AKAP13: variants seen among roughly 807,000 people sequenced by gnomAD.
AKAP13 encodes A-kinase anchor protein 13.
Under a neutral mutation model 264.5 loss-of-function variants are expected in AKAP13, and 80 were observed. That is an observed-to-expected ratio of 0.30 (90% CI 0.25 to 0.36). The LOEUF (loss-of-function observed/expected upper bound fraction) is 0.36. Among genes scored for constraint, AKAP13 ranks in the 10% least tolerant of loss-of-function variants. The pLI is 1.00. For synonymous variants in AKAP13, 1,380 were observed against 1,250.2 expected (o/e 1.10, Z -2.19); for missense variants, 3,712 against 3,435.2 (o/e 1.08, Z -2.01).
intron 8 of AKAP13, among the ~76,000 whole-genome samples, chr15:85,612,651 G>A (rs751505245): frequency 1.6e-4 from 25 of 151,912 alleles, no homozygotes; most frequent in Admixed American, 3.3e-4. Context: ...GTGAAACACC[G>A]TCTCTACTAA....
intron 1 of AKAP13, among the ~76,000 whole-genome samples, chr15:85,466,623 A>G (rs1489954126): frequency 1.1e-4 from 17 of 152,182 alleles, no homozygotes; most frequent in Admixed American, 1.1e-3. Context: ...GATCTTAGTC[A>G]TTTTTGAATC....
intron 1 of AKAP13, among the ~76,000 whole-genome samples, chr15:85,392,251 A>ATTTTTTT (rs57208601): frequency 8.5e-5 from 9 of 106,350 alleles, no homozygotes; most frequent in Non-Finnish European, 1.1e-4. Context: ...GCCCTTAATA[A>ATTTTTTT]TTTTTTTTTT....
intron 7 of AKAP13, among the ~76,000 whole-genome samples, chr15:85,583,605 G>A (rs907195503): frequency 6.6e-6 from 1 of 152,166 alleles, no homozygotes; most frequent in Non-Finnish European, 1.5e-5. Context: ...CTGATGCCTG[G>A]TGATGTTCTT....
chr15:85,558,496 G>A (rs141370774), intron 5 of AKAP13, among the ~76,000 whole-genome samples: 13 of 152,296 alleles, frequency 8.5e-5, no homozygotes, highest in African/African-American at 3.1e-4. Flanking sequence ...ACATAGTTAA[G>A]TGAACTTCGT....
chr15:85,648,980 T>C (rs957047369), intron 10 of AKAP13, among the ~76,000 whole-genome samples: 1 of 152,198 alleles, frequency 6.6e-6, no homozygotes, highest in Non-Finnish European at 1.5e-5. Context: ...ATTTTTCTCT[T>C]AGTGTTTTTG....
At chr15:85,493,724 G>T (rs1283463198) in intron 2 of AKAP13, among the ~76,000 whole-genome samples, 1 of 152,088 alleles carries the variant, frequency 6.6e-6, no homozygotes, top group Non-Finnish European at 1.5e-5. Context: ...TATGAACATA[G>T]TACATGCCCC....
chr15:85,448,071 G>A lies in AKAP13; in HGVS notation c.-11-37639G>A, dbSNP rs552915559. Among the ~76,000 whole-genome samples the A allele has an allele frequency of 1.1e-4, 16 of 152,238 alleles. No homozygotes were observed. The Middle Eastern group carries it at 0.017, about 162-fold the overall frequency. ...TTTTTAATAATAGCCATTCTGAGTT[G>A]TGTGAGTTGATGTCTTATTGTGGTT... On this transcript the variant is annotated intron_variant, in intron 1 of 36. Coordinates refer to ENST00000394518, the MANE Select transcript of AKAP13 (RefSeq NM_007200.5).
chr15:85,459,430 C>T (rs777869436), intron 1 of AKAP13, among the ~76,000 whole-genome samples: 50 of 150,416 alleles, frequency 3.3e-4, no homozygotes, highest in Non-Finnish European at 6.1e-4. Flanking sequence ...AATGCCTCAC[C>T]TCAAGTGATC....
chr15:85,558,607 A>C (rs2078235465), intron 5 of AKAP13, among the ~76,000 whole-genome samples: 1 of 152,142 alleles, frequency 6.6e-6, no homozygotes, highest in South Asian at 2.1e-4. Context: ...TTTGTGATTA[A>C]AGTTACCAGT....
At position 85,644,693 on chromosome 15, in the gene AKAP13, C is replaced by CAAAAAAAAA. The variant is rs1161365911; in HGVS notation, c.4238-1110_4238-1102dup. Among the ~76,000 whole-genome samples the CAAAAAAAAA allele has an allele frequency of 8.7e-3, 907 of 103,728 alleles. 1 individual carries two copies. Among genetic ancestry groups the CAAAAAAAAA allele is most frequent in the African/African-American group, 0.01 (274 of 27,308 alleles). The allele number at this position is 103,728 out of a possible 152,430, so 68.0% of individuals were successfully genotyped here. ...TGAAACCTCATCTCTACTAAAAATA[C>CAAAAAAAAA]AAAAAAAAAAAAAAAAAAAAAAATT... On this transcript the variant is annotated intron_variant, in intron 9 of 36. Transcript: ENST00000394518.
chr15:85,553,167 A>G (rs4842889), intron 5 of AKAP13, among the ~76,000 whole-genome samples: 49,547 of 148,900 alleles, frequency 0.33, 8,359 homozygotes, highest in South Asian at 0.43. Context: ...GCTCACTGCA[A>G]CCTCCACCTC....
intron 1 of AKAP13, among the ~76,000 whole-genome samples, chr15:85,394,789 A>G (rs2071034965): frequency 6.6e-6 from 1 of 152,098 alleles, no homozygotes; most frequent in South Asian, 2.1e-4. Flanking sequence ...GTGAAATGGT[A>G]TTTGCTGACT....
intron 7 of AKAP13, among the ~76,000 whole-genome samples, chr15:85,582,598 T>C (rs2079170156): frequency 6.6e-6 from 1 of 152,148 alleles, no homozygotes; most frequent in Non-Finnish European, 1.5e-5. Flanking sequence ...GCTGTAAGTA[T>C]TGTTCTGAGC....
chr15:85,559,109 G>A (rs1482685495), intron 5 of AKAP13, among the ~76,000 whole-genome samples: 4 of 151,714 alleles, frequency 2.6e-5, no homozygotes, highest in Non-Finnish European at 5.9e-5. Context: ...TACCACTGTT[G>A]TTGATCTTGG....
rs1186339897 is a variant in AKAP13 at position 85,740,993 on chromosome 15, G to T, written c.7609-53G>T. On this transcript the variant is annotated intron_variant, in intron 34 of 36. Coordinates refer to ENST00000394518, the MANE Select transcript of AKAP13 (RefSeq NM_007200.5). ...CTGTGGGGTCGGGAGGGATCCAGAAGCTCGCTGTCGTCCTGGCCAGAGTTG... is the reference window on the plus strand; with the variant it reads ...CTGTGGGGTCGGGAGGGATCCAGAATCTCGCTGTCGTCCTGGCCAGAGTTG... The T allele has an allele frequency of 1.9e-6, 3 of 1,548,350 alleles. No individual in the cohort carries two copies. The African/African-American group carries it at 4.1e-5, about 21-fold the overall frequency.
At chr15:85,474,743 C>G (rs945952858) in intron 1 of AKAP13, among the ~76,000 whole-genome samples, 1 of 152,128 alleles carries the variant, frequency 6.6e-6, no homozygotes, top group African/African-American at 2.4e-5. Flanking sequence ...AACCTACCAC[C>G]TTGTGTTTCC....
intron 1 of AKAP13, among the ~76,000 whole-genome samples, chr15:85,408,715 C>G (rs1011244354): frequency 2.6e-5 from 4 of 151,768 alleles, no homozygotes; most frequent in African/African-American, 4.9e-5. Context: ...TTTTGTTTAT[C>G]CATTCATCCA....
intron 3 of AKAP13, among the ~76,000 whole-genome samples, chr15:85,522,137 A>G (rs567345561): frequency 6.6e-6 from 1 of 152,276 alleles, no homozygotes; most frequent in South Asian, 2.1e-4. Flanking sequence ...CCATTGCTGA[A>G]CATTTATTAT....
chr15:85,458,376 T>G (rs919629838), intron 1 of AKAP13, among the ~76,000 whole-genome samples: 2 of 139,836 alleles, frequency 1.4e-5, no homozygotes, highest in African/African-American at 5.9e-5. Flanking sequence ...TCTCTTTTTT[T>G]GTATTTTTTG....
Sources: allele counts gnomAD v4.1 joint callset (sites outside exome capture counted in the v4.1 genomes callset), GRCh38; gene constraint gnomAD v4.1.1; transcripts MANE v1.5; gene names NCBI Gene and HGNC (gene_info 2026-07-23, HGNC 2026-07-21).